DIS3L2: variants seen among roughly 807,000 people sequenced by gnomAD.
The protein encoded by DIS3L2 is DIS3 like 3'-5' exoribonuclease 2.
A neutral mutation model predicts 97.5 loss-of-function variants in DIS3L2; 34 were observed. The ratio of observed to expected loss-of-function variants is 0.35; its 90% CI spans 0.27 to 0.46. The LOEUF (loss-of-function observed/expected upper bound fraction) is 0.46, where lower values mean the gene tolerates loss of function less well. Ranked by LOEUF, DIS3L2 falls within the 20% of genes least tolerant of loss-of-function variation. The pLI is 1.00. For missense variants in DIS3L2, 1,038 were observed against 1,146.0 expected (o/e 0.91, Z 1.36); for synonymous variants, 435 against 445.2 (o/e 0.98, Z 0.29).
intron 13 of DIS3L2, among the ~76,000 whole-genome samples, chr2:232,285,817 A>G (rs1694415234): frequency 6.6e-6 from 1 of 152,130 alleles, no homozygotes; most frequent in Admixed American, 6.5e-5. Context: ...TGTGATTCCT[A>G]CTGCTTATCA....
intron 13 of DIS3L2, among the ~76,000 whole-genome samples, chr2:232,264,950 A>G (rs1286666107): frequency 1.3e-5 from 2 of 152,212 alleles, no homozygotes; most frequent in African/African-American, 4.8e-5. Flanking sequence ...CTGCGTGAGA[A>G]TGCTGACAGG....
intron 1 of DIS3L2, among the ~76,000 whole-genome samples, chr2:231,998,246 C>T (rs1335167613): frequency 6.6e-6 from 1 of 152,136 alleles, no homozygotes; most frequent in Non-Finnish European, 1.5e-5. Flanking sequence ...AGCCTTCTTG[C>T]TGCATCATCC....
chr2:232,123,556 A>G (rs1489155840), intron 6 of DIS3L2, among the ~76,000 whole-genome samples: 1 of 152,006 alleles, frequency 6.6e-6, no homozygotes, highest in Non-Finnish European at 1.5e-5. Context: ...TGCCACCCGA[A>G]AAAGATTTCT....
At chr2:232,294,280 C>T (rs1307172068) in intron 13 of DIS3L2, among the ~76,000 whole-genome samples, 4 of 152,184 alleles carry the variant, frequency 2.6e-5, no homozygotes, top group African/African-American at 9.7e-5. Context: ...GGTCTGCTTC[C>T]CCCCGGACCC....
intron 1 of DIS3L2, among the ~76,000 whole-genome samples, chr2:231,965,045 C>G (rs1692673328): frequency 1.3e-5 from 2 of 152,084 alleles, no homozygotes; most frequent in Non-Finnish European, 2.9e-5. Flanking sequence ...GATTTGTGAC[C>G]TATTTCTTTC....
intron 13 of DIS3L2, among the ~76,000 whole-genome samples, chr2:232,265,076 AGT>A (rs996308873): frequency 5.9e-5 from 9 of 152,198 alleles, no homozygotes; most frequent in African/African-American, 2.2e-4. Flanking sequence ...CATTCATGGG[AGT>A]GTGAACACAC....
chr2:232,238,958 T>C (rs1291148207), intron 11 of DIS3L2, among the ~76,000 whole-genome samples: 1 of 152,238 alleles, frequency 6.6e-6, no homozygotes, highest in Non-Finnish European at 1.5e-5. Context: ...CATTTGTTCA[T>C]GTATTGTGGC....
At chr2:231,992,176 G>T (rs1285084121) in intron 1 of DIS3L2, among the ~76,000 whole-genome samples, 1 of 152,164 alleles carries the variant, frequency 6.6e-6, no homozygotes, top group Non-Finnish European at 1.5e-5. Flanking sequence ...TTGGGATTGT[G>T]GAGAAGGCAT....
At chr2:232,122,959 A>G (rs1697952610) in intron 6 of DIS3L2, among the ~76,000 whole-genome samples, 1 of 152,224 alleles carries the variant, frequency 6.6e-6, no homozygotes, top group Non-Finnish European at 1.5e-5. Context: ...TGTGACTCCA[A>G]AGCTCATGCT....
At chr2:232,155,230 C>G (rs1345195604) in intron 8 of DIS3L2, among the ~76,000 whole-genome samples, 7 of 57,556 alleles carry the variant, frequency 1.2e-4, no homozygotes, top group African/African-American at 8.0e-4. Context: ...CTCCTCCCCC[C>G]TCCTTAATTT....
chr2:232,337,195 CTGAG>C, downstream of DIS3L2: 1 of 992,704 alleles, frequency 1.0e-6, no homozygotes, highest in Non-Finnish European at 1.2e-6. Context: ...GTATGCAACA[CTGAG>C]AGCGCCCCCA....
chr2:231,971,272 A>AT (rs35737444), intron 1 of DIS3L2, among the ~76,000 whole-genome samples: 42,919 of 145,188 alleles, frequency 0.3, 9,773 homozygotes, highest in African/African-American at 0.64. Context: ...TTATTTTGTC[A>AT]TTTTTTTTTT....
At chr2:232,248,514 AT>A (rs1303845921) in intron 11 of DIS3L2, among the ~76,000 whole-genome samples, 1 of 152,228 alleles carries the variant, frequency 6.6e-6, no homozygotes, top group African/African-American at 2.4e-5. Flanking sequence ...AACAAGTAAT[AT>A]TTTGGGACAA....
At chr2:232,288,509 G>A (rs1458710018) in intron 13 of DIS3L2, among the ~76,000 whole-genome samples, 1 of 152,192 alleles carries the variant, frequency 6.6e-6, no homozygotes, top group Non-Finnish European at 1.5e-5. Context: ...TAGGACCATC[G>A]GAACCCCACC....
chr2:232,123,219 G>A lies in DIS3L2; in HGVS notation c.602-7400G>A, dbSNP rs566829524. The stretch of plus-strand genomic sequence containing the variant: ...ATGCCCCTCTACTAACCATCTCCTT[G>A]GATGAACCCTGGGATAAGTTAGTTT... On this transcript the variant is annotated intron_variant, in intron 6 of 20. Transcript: ENST00000325385. Among the ~76,000 whole-genome samples the A allele has an allele frequency of 2.0e-5, 3 of 152,076 alleles. No homozygotes were observed. The South Asian group carries it at 6.2e-4, about 32-fold the overall frequency.
Position 232,037,153 on chromosome 2 carries a change from G to C in DIS3L2, c.366+7073G>C, listed in dbSNP as rs945760784. Among the ~76,000 whole-genome samples the C allele has an allele frequency of 6.6e-6, 1 of 152,198 alleles. No homozygotes were observed. Among genetic ancestry groups the C allele is most frequent in the Non-Finnish European group, 1.5e-5 (1 of 68,032 alleles). ...GCACCCACATCCGCCCCTTCCCCCA[G>C]GTGCTCTGTCCCAGGGAGATGGGAG... is the stretch of plus-strand genomic sequence containing the variant. On this transcript the variant is annotated intron_variant, in intron 5 of 20. Transcript: ENST00000325385. This position sits in a 1 kb window ranked among gnomAD's most constrained non-coding sequence, Gnocchi z 4.6.
intron 16 of DIS3L2, 84 bp from the exon 17 acceptor site, chr2:232,333,756 G>GAGAT: frequency 8.7e-6 from 13 of 1,487,192 alleles, no homozygotes; most frequent in Admixed American, 4.6e-5. Context: ...CGCTGCCGAC[G>GAGAT]GTGAGGCTGT....
At chr2:232,023,897 A>G (rs1226228934) in intron 3 of DIS3L2, among the ~76,000 whole-genome samples, 1 of 139,854 alleles carries the variant, frequency 7.2e-6, no homozygotes, top group Non-Finnish European at 1.5e-5. Flanking sequence ...TGGGAGAAAA[A>G]AAAGGCCTTT....
At chr2:232,038,441 A>G (rs1695014269) in intron 5 of DIS3L2, among the ~76,000 whole-genome samples, 3 of 152,182 alleles carry the variant, frequency 2.0e-5, no homozygotes, top group Non-Finnish European at 4.4e-5. Context: ...GACTGGTTGT[A>G]CAGTAGGCAT....
Sources: allele counts gnomAD v4.1 joint callset (sites outside exome capture counted in the v4.1 genomes callset), GRCh38; gene constraint gnomAD v4.1.1; non-coding constraint Gnocchi (gnomAD v3.1); transcripts MANE v1.5; gene names NCBI Gene and HGNC (gene_info 2026-07-23, HGNC 2026-07-21).